Variants in MND1 observed in about 807,000 individuals in gnomAD.
The protein encoded by MND1 is meiotic nuclear division protein 1 homolog.
Under a neutral mutation model 35.1 loss-of-function variants are expected in MND1, and 28 were observed. The observed-to-expected ratio is 0.80, with a 90% confidence interval of 0.59 to 1.09. The LOEUF (loss-of-function observed/expected upper bound fraction) is 1.09, where lower values mean the gene tolerates loss of function less well. Ranked by LOEUF, MND1 falls within the 50% of genes least tolerant of loss-of-function variation. The pLI is 0.00. For synonymous variants in MND1, 69 were observed against 70.5 expected (o/e 0.98, Z 0.11); for missense variants, 213 against 239.6 (o/e 0.89, Z 0.73).
At chr4:153,355,541 C>G (rs1773318498) in intron 2 of MND1, 113 bp from the exon 3 acceptor site, 3 of 649,940 alleles carry the variant, frequency 4.6e-6, no homozygotes, top group Admixed American at 2.8e-5. Flanking sequence ...TCACACATAC[C>G]CTGTAAATGT....
intron 4 of MND1, among the ~76,000 whole-genome samples, chr4:153,375,159 G>A (rs1728469055): frequency 6.6e-6 from 1 of 152,108 alleles, no homozygotes. Context: ...CATTTATATA[G>A]CTATGGGAGA....
At chr4:153,345,691 A>G (rs1464339764) in intron 1 of MND1, among the ~76,000 whole-genome samples, 1 of 152,252 alleles carries the variant, frequency 6.6e-6, no homozygotes, top group Admixed American at 6.5e-5. Context: ...TAAGGGGGGC[A>G]GGGTGGGACA....
chr4:153,345,836 A>G (rs993352406), intron 1 of MND1, among the ~76,000 whole-genome samples: 1 of 152,256 alleles, frequency 6.6e-6, no homozygotes, highest in Admixed American at 6.5e-5. Flanking sequence ...AAACAGGACT[A>G]CAGTTAAAAC....
intron 7 of MND1, among the ~76,000 whole-genome samples, chr4:153,411,712 T>C (rs1729689643): frequency 6.6e-6 from 1 of 152,226 alleles, no homozygotes; most frequent in African/African-American, 2.4e-5. Flanking sequence ...TGAAGTTTGT[T>C]CCCTACAAGC....
intron 2 of MND1, among the ~76,000 whole-genome samples, chr4:153,350,968 AAC>A (rs1491458197): frequency 0.01 from 1,561 of 149,756 alleles, 21 homozygotes; most frequent in African/African-American, 0.037. Context: ...AAAAAAAAAA[AAC>A]AAACAAAATA....
At chr4:153,379,510 T>C (rs1456844643) in intron 4 of MND1, among the ~76,000 whole-genome samples, 2 of 151,658 alleles carry the variant, frequency 1.3e-5, no homozygotes, top group Non-Finnish European at 2.9e-5. Flanking sequence ...TGAGACCAGC[T>C]TGACCGTGAT....
At chr4:153,348,500 T>C (rs1395429216) in intron 1 of MND1, among the ~76,000 whole-genome samples, 2 of 152,078 alleles carry the variant, frequency 1.3e-5, no homozygotes, top group Non-Finnish European at 2.9e-5. Flanking sequence ...TATTAGGAGA[T>C]GGGATCAGTA....
chr4:153,409,316 A>G (rs955421082), intron 7 of MND1, among the ~76,000 whole-genome samples: 3 of 151,874 alleles, frequency 2.0e-5, no homozygotes, highest in Admixed American at 2.0e-4. Flanking sequence ...TTTCATATAC[A>G]TTAATGTAAG....
intron 4 of MND1, among the ~76,000 whole-genome samples, chr4:153,375,215 A>G (rs1728470180): frequency 6.6e-6 from 1 of 152,130 alleles, no homozygotes; most frequent in African/African-American, 2.4e-5. Context: ...GTAGGTTTAG[A>G]GGGATGGAGG....
chr4:153,344,995 C>T (rs1020262915), intron 1 of MND1, among the ~76,000 whole-genome samples: 3 of 152,224 alleles, frequency 2.0e-5, no homozygotes, highest in Admixed American at 6.5e-5. Flanking sequence ...CCGCCGGCTG[C>T]ACCCCGCGTC....
intron 4 of MND1, chr4:153,361,378 A>C (rs1773486343): frequency 1.1e-5 from 5 of 438,076 alleles, no homozygotes; most frequent in Non-Finnish European, 2.3e-5. Context: ...TATCATTCTG[A>C]TTGTCTTGTT....
chr4:153,385,289 C>A (rs755770898), intron 4 of MND1, among the ~76,000 whole-genome samples: 1 of 152,124 alleles, frequency 6.6e-6, no homozygotes, highest in Non-Finnish European at 1.5e-5. Flanking sequence ...AGTTGGCCAG[C>A]ACTATATGAA....
chr4:153,364,509 C>T (rs1367781655), intron 4 of MND1, among the ~76,000 whole-genome samples: 1 of 143,704 alleles, frequency 7.0e-6, no homozygotes, highest in African/African-American at 2.7e-5. Flanking sequence ...AGAGTCAGAC[C>T]CTGTTTAAGA....
intron 2 of MND1, among the ~76,000 whole-genome samples, chr4:153,355,430 T>C (rs531611699): frequency 3.6e-4 from 54 of 152,084 alleles, no homozygotes; most frequent in Non-Finnish European, 6.9e-4. Flanking sequence ...AAGAGTGAAA[T>C]TGGAATGTTC....
intron 4 of MND1, among the ~76,000 whole-genome samples, chr4:153,365,598 CT>C (rs903922698): frequency 1.7e-4 from 25 of 146,762 alleles, no homozygotes; most frequent in Admixed American, 4.8e-4. Context: ...AAGAGAGGAT[CT>C]TTTTTTTTTT....
chr4:153,348,591 C>G (rs1405398400), intron 1 of MND1, among the ~76,000 whole-genome samples: 1 of 152,090 alleles, frequency 6.6e-6, no homozygotes, highest in Non-Finnish European at 1.5e-5. Context: ...ATTTATTTAC[C>G]CATATTACTC....
At chr4:153,345,168 C>G (rs1003516616) in intron 1 of MND1, among the ~76,000 whole-genome samples, 1 of 152,214 alleles carries the variant, frequency 6.6e-6, no homozygotes, top group Non-Finnish European at 1.5e-5. Flanking sequence ...TGTAGCCCCC[C>G]CCATTAAGAA....
intron 4 of MND1, among the ~76,000 whole-genome samples, chr4:153,391,216 C>G (rs955792221): frequency 6.6e-6 from 1 of 151,746 alleles, no homozygotes; most frequent in Middle Eastern, 3.4e-3. Flanking sequence ...CAGGCTGGAG[C>G]ACAGTGGTGC....
intron 4 of MND1, among the ~76,000 whole-genome samples, chr4:153,382,203 A>G (rs376303114): frequency 1.3e-5 from 2 of 152,186 alleles, no homozygotes; most frequent in African/African-American, 4.8e-5. Flanking sequence ...TTTGTATATG[A>G]TAACTTATTT....
Sources: gnomAD v4.1 joint callset for allele counts (sites outside exome capture counted in the v4.1 genomes callset) on GRCh38, gnomAD v4.1.1 for gene constraint, MANE v1.5 for transcripts, NCBI Gene and HGNC (gene_info 2026-07-23, HGNC 2026-07-21) for gene names.